Variants in OTUD7A observed in about 807,000 individuals in gnomAD.
OTUD7A encodes the protein OTU deubiquitinase 7A, also known as OTU domain-containing protein 7A.
A neutral mutation model predicts 65.7 loss-of-function variants in OTUD7A; 12 were observed. The observed-to-expected ratio is 0.18, with a 90% CI of 0.12 to 0.30. OTUD7A has a LOEUF of 0.30. Ranked by LOEUF, OTUD7A falls within the 10% of genes least tolerant of loss-of-function variation. OTUD7A has a pLI of 1.00. For synonymous variants in OTUD7A, 641 were observed against 586.3 expected, an observed-to-expected ratio of 1.09 and a Z score of -1.35; for missense variants, 1,148 against 1,304.8, an observed-to-expected ratio of 0.88 and a Z score of 1.85.
chr15:31,807,930 T>C lies in OTUD7A; in HGVS notation c.-100+62577A>G, dbSNP rs112076163. Reference sequence around the variant, plus strand: ...TGTTACCAATATGCTGTTTCTTGTATTTAATAACCTCGAGGAAGCTTCCCT... The same window carrying C: ...TGTTACCAATATGCTGTTTCTTGTACTTAATAACCTCGAGGAAGCTTCCCT... On this transcript the variant is annotated intron_variant, in intron 1 of 12. Coordinates refer to ENST00000307050, the MANE Select transcript of OTUD7A (RefSeq NM_001382637.1). 5.4e-3 allele frequency among the ~76,000 whole-genome samples: 816 copies of C among 152,204 alleles called. 1 individual carries two copies. Among genetic ancestry groups the C allele is most frequent in the Non-Finnish European group, 8.4e-3 (568 of 68,014 alleles).
At chr15:31,504,924 T>A (rs888873778) in intron 8 of OTUD7A, among the ~76,000 whole-genome samples, 2 of 151,850 alleles carry the variant, frequency 1.3e-5, no homozygotes, top group African/African-American at 4.8e-5. Context: ...AGAGTCTTGC[T>A]TTGTTACCCA....
chr15:31,573,220 G>A (rs1196727117), intron 3 of OTUD7A, among the ~76,000 whole-genome samples: 1 of 152,156 alleles, frequency 6.6e-6, no homozygotes, highest in Non-Finnish European at 1.5e-5. Flanking sequence ...AGATACTGAA[G>A]GAAAGAAAGC....
At chr15:31,630,705 T>C (rs1232721054) in intron 3 of OTUD7A, among the ~76,000 whole-genome samples, 1 of 152,178 alleles carries the variant, frequency 6.6e-6, no homozygotes, top group Non-Finnish European at 1.5e-5. Flanking sequence ...TCTCCCATTA[T>C]TAATGTGTGG....
chr15:31,604,045 A>G (rs1890162954), intron 3 of OTUD7A, among the ~76,000 whole-genome samples: 2 of 152,232 alleles, frequency 1.3e-5, no homozygotes, highest in South Asian at 4.1e-4. Context: ...GCGATTCCTC[A>G]AGGATCTATA....
At chr15:31,492,818 A>T (rs1354221422) in intron 10 of OTUD7A, among the ~76,000 whole-genome samples, 3 of 152,244 alleles carry the variant, frequency 2.0e-5, no homozygotes, top group African/African-American at 7.2e-5. Flanking sequence ...CAAACATATC[A>T]TTAATACTAT....
At chr15:31,805,525 C>T (rs1896246406) in intron 1 of OTUD7A, among the ~76,000 whole-genome samples, 2 of 152,204 alleles carry the variant, frequency 1.3e-5, no homozygotes, top group South Asian at 2.1e-4. Context: ...AATATAACCA[C>T]ATCACCACTA....
chr15:31,861,127 A>T (rs963413665), intron 1 of OTUD7A, among the ~76,000 whole-genome samples: 1 of 152,052 alleles, frequency 6.6e-6, no homozygotes, highest in Admixed American at 6.6e-5. Flanking sequence ...AGAACTAGGG[A>T]ACTAATTTTG....
intron 5 of OTUD7A, among the ~76,000 whole-genome samples, chr15:31,542,923 G>A (rs954688182): frequency 2.3e-4 from 35 of 151,616 alleles, no homozygotes; most frequent in African/African-American, 8.2e-4. Context: ...GCAAAACAAA[G>A]ACATTTTAAG....
chr15:31,606,682 A>C (rs1482080158), intron 3 of OTUD7A, among the ~76,000 whole-genome samples: 2 of 152,216 alleles, frequency 1.3e-5, no homozygotes, highest in East Asian at 1.9e-4. Context: ...CTAACGCACG[A>C]CTTCTGTTTT....
At chr15:31,597,923 T>C (rs1007998630) in intron 3 of OTUD7A, among the ~76,000 whole-genome samples, 5 of 152,200 alleles carry the variant, frequency 3.3e-5, no homozygotes, top group Admixed American at 6.5e-5. Context: ...GATGACCGGC[T>C]GTGGGTGTGA....
intron 8 of OTUD7A, among the ~76,000 whole-genome samples, chr15:31,508,420 G>C (rs1191658176): frequency 2.0e-5 from 3 of 152,124 alleles, no homozygotes; most frequent in Non-Finnish European, 1.5e-5. Context: ...GCCGATCTCC[G>C]CTCACTGCAA....
At chr15:31,754,586 A>C (rs1311743257) in intron 1 of OTUD7A, among the ~76,000 whole-genome samples, 1 of 152,170 alleles carries the variant, frequency 6.6e-6, no homozygotes, top group African/African-American at 2.4e-5. Flanking sequence ...TGGCCAGCCA[A>C]TTATCCCAGC....
Position 31,483,758 on chromosome 15 carries a change from G to C in OTUD7A, c.2338C>G (p.His780Asp). The change falls in exon 13 of 13, where the codon CAC becomes GAC. Residue 780 changes from histidine (H) to aspartate (D), a missense_variant. His to Asp is a moderately conservative substitution (Grantham distance 81). This residue lies in a region of OTUD7A where 842 missense variants were observed against 769.5 expected (regional missense o/e 1.09). Transcript: ENST00000307050. ...PPAPARQSVI[H>D]VQASGARDEA... ...TCCCGCGCGCCCGACGCCTGCACGT[G>C]GATGACGCTCTGGCGCGCTGGCGCC... is the stretch of plus-strand genomic sequence containing the variant. 1 of 1,086,232 alleles carries C rather than the reference G, an allele frequency of 9.2e-7. No individual in the cohort carries two copies. The highest frequency in any genetic ancestry group is 4.3e-5 in the South Asian group (1 of 23,344). The allele number at this position is 1,086,232 out of a possible 1,614,324, so 67.3% of individuals were successfully genotyped here. A position where few individuals can be genotyped will look rare whatever the true frequency, so the allele number is the denominator to read the frequency against.
intron 1 of OTUD7A, among the ~76,000 whole-genome samples, chr15:31,769,884 T>C (rs73378674): frequency 0.023 from 3,553 of 152,292 alleles, 137 homozygotes; most frequent in African/African-American, 0.08. Flanking sequence ...TGCACACTGA[T>C]TGTGATAGTG....
chr15:31,614,946 A>G (rs990793090), intron 3 of OTUD7A, among the ~76,000 whole-genome samples: 2 of 152,230 alleles, frequency 1.3e-5, no homozygotes, highest in African/African-American at 2.4e-5. Flanking sequence ...GGGAAACTCG[A>G]TAGTCAAGGA....
chr15:31,745,670 A>G (rs189292313), intron 1 of OTUD7A, among the ~76,000 whole-genome samples: 4 of 152,304 alleles, frequency 2.6e-5, no homozygotes, highest in Admixed American at 2.0e-4. Context: ...ATCATAAAAG[A>G]AAAAAATGAA....
chr15:31,685,652 C>T (rs895288620), intron 1 of OTUD7A, among the ~76,000 whole-genome samples: 1 of 152,184 alleles, frequency 6.6e-6, no homozygotes, highest in African/African-American at 2.4e-5. Context: ...GAGCGAGACT[C>T]CGTCTCAAAA....
intron 1 of OTUD7A, among the ~76,000 whole-genome samples, chr15:31,803,745 C>T (rs1316907029): frequency 6.6e-6 from 1 of 152,196 alleles, no homozygotes; most frequent in Non-Finnish European, 1.5e-5. Context: ...TCCACTGTGA[C>T]CATCTGAGAG....
intron 1 of OTUD7A, among the ~76,000 whole-genome samples, chr15:31,851,254 C>A (rs2141004966): frequency 6.6e-6 from 1 of 152,028 alleles, no homozygotes; most frequent in African/African-American, 2.4e-5. Flanking sequence ...AGGGAATTAT[C>A]CAGAATGTAC....
Sources: gnomAD v4.1 joint callset for allele counts (sites outside exome capture counted in the v4.1 genomes callset) on GRCh38, gnomAD v4.1.1 for gene constraint, gnomAD v4.1.1 regional missense constraint, MANE v1.5 for transcripts, NCBI Gene and HGNC (gene_info 2026-07-23, HGNC 2026-07-21) for gene names.